STK3: variants seen among roughly 807,000 people sequenced by gnomAD.
The protein encoded by STK3 is serine/threonine-protein kinase 3.
Under a neutral mutation model 58.0 loss-of-function variants are expected in STK3, and 41 were observed. That is an observed-to-expected ratio of 0.71 (90% confidence interval 0.55 to 0.92). STK3 has a LOEUF of 0.92. Ranked by LOEUF, STK3 falls within the 40% of genes least tolerant of loss-of-function variation. The pLI, the probability that STK3 is intolerant of heterozygous loss-of-function variation, is 0.00. For synonymous variants in STK3, 170 were observed against 191.0 expected, an observed-to-expected ratio of 0.89 and a Z score of 0.91; for missense variants, 479 against 602.7, an observed-to-expected ratio of 0.79 and a Z score of 2.15.
chr8:98,621,199 C>A (rs1818281810), intron 6 of STK3, among the ~76,000 whole-genome samples: 2 of 152,324 alleles, frequency 1.3e-5, no homozygotes, highest in Middle Eastern at 3.4e-3. Flanking sequence ...CTCGGCCTCC[C>A]AAAGTGCTGG....
the STK3 span, among the ~76,000 whole-genome samples, chr8:98,357,274 A>T: frequency 6.6e-6 from 1 of 152,194 alleles, no homozygotes; most frequent in Non-Finnish European, 1.5e-5. Context: ...GAAATGACCC[A>T]GGGTTTACCT....
intron 6 of STK3, among the ~76,000 whole-genome samples, chr8:98,609,054 G>A (rs1166072848): frequency 6.6e-6 from 1 of 152,140 alleles, no homozygotes; most frequent in African/African-American, 2.4e-5. Flanking sequence ...GATCTTGTCT[G>A]GGTAGCCAAC....
intron 1 of STK3, among the ~76,000 whole-genome samples, chr8:98,442,374 A>G (rs1818730425): frequency 6.6e-6 from 1 of 152,236 alleles, no homozygotes; most frequent in Non-Finnish European, 1.5e-5. Context: ...AATCATCTTA[A>G]TATCTCTGGT....
At chr8:98,918,330 G>A (rs1418131422) in intron 1 of STK3, among the ~76,000 whole-genome samples, 1 of 152,182 alleles carries the variant, frequency 6.6e-6, no homozygotes, top group Non-Finnish European at 1.5e-5. Context: ...TCAGGTATTT[G>A]GGGTATATCT....
intron 3 of STK3, among the ~76,000 whole-genome samples, chr8:98,833,903 G>A (rs1835643300): frequency 6.6e-6 from 1 of 152,076 alleles, no homozygotes; most frequent in African/African-American, 2.4e-5. Context: ...CCATGGAGGT[G>A]GGTTTAGAGT....
rs775032317 is a variant in STK3, at chr8:98,428,813, C to T, written n.483+5314G>A. The T allele has an allele frequency of 6.2e-7, 1 of 1,614,194 alleles. No individual in the cohort carries two copies. Among genetic ancestry groups the T allele is most frequent in the Non-Finnish European group, 8.5e-7 (1 of 1,180,040 alleles). Reference sequence around the variant, plus strand: ...CCTTTTACATCACTCTGGTGGTGAACCTGGTGGTGGAGAGCACACCTACTT... The same window carrying T: ...CCTTTTACATCACTCTGGTGGTGAATCTGGTGGTGGAGAGCACACCTACTT... On this transcript the variant is annotated intron_variant and non_coding_transcript_variant, in intron 3 of 3. Transcript: ENST00000517832. The surrounding 1 kb of genome is among the most constrained non-coding windows in gnomAD (Gnocchi z 6.7).
chr8:98,630,661 AAGGAGAAGG>A (rs1180621568), intron 6 of STK3, among the ~76,000 whole-genome samples: 145 of 148,888 alleles, frequency 9.7e-4, no homozygotes, highest in African/African-American at 2.7e-3. Flanking sequence ...GGAGAAGGAG[AAGGAGAAGG>A]AGGAGAAGGA....
chr8:98,460,414 G>T (rs567716635), intron 10 of STK3, among the ~76,000 whole-genome samples: 2 of 152,292 alleles, frequency 1.3e-5, no homozygotes, highest in Middle Eastern at 6.8e-3. Flanking sequence ...GAAGGGACTT[G>T]CCTTGTCTCA....
At chr8:98,369,588 A>G (rs1817592424), downstream of STK3, among the ~76,000 whole-genome samples, 1 of 152,168 alleles carries the variant, frequency 6.6e-6, no homozygotes, top group Non-Finnish European at 1.5e-5. Flanking sequence ...GTGCCCTACA[A>G]TTGTGATGAG....
chr8:98,675,249 T>C (rs1227705278), intron 6 of STK3, among the ~76,000 whole-genome samples: 1 of 152,162 alleles, frequency 6.6e-6, no homozygotes, highest in African/African-American at 2.4e-5. Flanking sequence ...GAGAAAGAAC[T>C]CTCCAACTAC....
intron 6 of STK3, among the ~76,000 whole-genome samples, chr8:98,607,345 T>C (rs1816856141): frequency 6.6e-6 from 1 of 152,164 alleles, no homozygotes; most frequent in Non-Finnish European, 1.5e-5. Context: ...TTCTCTCAAT[T>C]GACATTTGCA....
chr8:98,472,158 A>T (rs1258856842), intron 10 of STK3, among the ~76,000 whole-genome samples: 1 of 152,224 alleles, frequency 6.6e-6, no homozygotes, highest in Non-Finnish European at 1.5e-5. Context: ...CTAATAAAAA[A>T]ATGTGGCCAG....
At chr8:98,736,426 T>C (rs1828601893) in intron 4 of STK3, among the ~76,000 whole-genome samples, 1 of 152,124 alleles carries the variant, frequency 6.6e-6, no homozygotes, top group South Asian at 2.1e-4. Flanking sequence ...AACTGGAAAG[T>C]ACCTGATAAA....
chr8:98,840,760 C>G (rs1397556255), intron 3 of STK3, among the ~76,000 whole-genome samples: 1 of 151,938 alleles, frequency 6.6e-6, no homozygotes, highest in Non-Finnish European at 1.5e-5. Context: ...ACCTCCTAGT[C>G]TCTGTAAGTC....
At chr8:98,595,960 C>T (rs1815791562) in intron 7 of STK3, 72 bp downstream of exon 7, 2 of 1,512,180 alleles carry the variant, frequency 1.3e-6, no homozygotes, top group South Asian at 2.6e-5. Context: ...AAACACACAG[C>T]AATTCTGGCC....
intron 3 of STK3, among the ~76,000 whole-genome samples, chr8:98,425,046 G>C (rs961354171): frequency 1.3e-5 from 2 of 152,196 alleles, no homozygotes; most frequent in Non-Finnish European, 2.9e-5. Context: ...GGTGTGGAAG[G>C]GGGGATTGGA....
intron 4 of STK3, among the ~76,000 whole-genome samples, chr8:98,726,038 C>T (rs756860682): frequency 2.6e-5 from 4 of 152,182 alleles, no homozygotes; most frequent in Non-Finnish European, 4.4e-5. Flanking sequence ...CAAATAACCA[C>T]TGTTACAGCG....
chr8:98,819,865 G>A (rs983265784), intron 1 of STK3, among the ~76,000 whole-genome samples: 4 of 152,134 alleles, frequency 2.6e-5, no homozygotes, highest in Non-Finnish European at 5.9e-5. Context: ...TAATATCTTT[G>A]TGATATTCCT....
rs569874592 is a variant in STK3, at chr8:98,505,858, C to T, written c.1317+20884G>A. On this transcript the variant is annotated intron_variant, in intron 10 of 10. Transcript: ENST00000419617. The stretch of plus-strand genomic sequence containing the variant: ...AGTTAGGCTACACAGGGGTCAGGGA[C>T]CCACTTGAGGAGGCAGTCTGTCTGT... Among the ~76,000 whole-genome samples, 5 of 152,304 alleles carry T rather than the reference C, an allele frequency of 3.3e-5. No individual in the cohort carries two copies. In the South Asian group the frequency reaches 1.0e-3, roughly 32 times the overall value.
Sources: allele counts gnomAD v4.1 joint callset (sites outside exome capture counted in the v4.1 genomes callset), GRCh38; gene constraint gnomAD v4.1.1; non-coding constraint Gnocchi (gnomAD v3.1); transcripts MANE v1.5; gene names NCBI Gene and HGNC (gene_info 2026-07-23, HGNC 2026-07-21).